Variants in PCDH11X observed in about 807,000 individuals in gnomAD.
PCDH11X encodes protocadherin-11 X-linked.
In PCDH11X, 18 loss-of-function variants were observed where a neutral mutation model predicts 53.3. The ratio of observed to expected loss-of-function variants is 0.34; its 90% CI spans 0.23 to 0.50. The LOEUF (loss-of-function observed/expected upper bound fraction) is 0.50. Ranked by LOEUF, PCDH11X falls within the 20% of genes least tolerant of loss-of-function variation. The pLI is 0.98. For missense variants in PCDH11X, 570 were observed against 1,032.4 expected, an observed-to-expected ratio of 0.55 and a Z score of 6.14; for synonymous variants, 279 against 393.3, an observed-to-expected ratio of 0.71 and a Z score of 3.44.
At chrX:92,274,032 A>G (rs1489156759) in intron 8 of PCDH11X, among the ~76,000 whole-genome samples, 1 of 107,115 alleles carries the variant, frequency 9.3e-6, no homozygotes, top group Non-Finnish European at 1.9e-5. Flanking sequence ...GTAGCTGAGA[A>G]TGGTGAATAG....
At chrX:92,521,334 A>G (rs763263895) in intron 10 of PCDH11X, among the ~76,000 whole-genome samples, 27 of 112,150 alleles carry the variant, frequency 2.4e-4, no homozygotes, top group South Asian at 3.7e-4. Context: ...ATCTGCTCGC[A>G]TGTCTCCATT....
At chrX:91,896,980 C>T (rs1486642239) in intron 6 of PCDH11X, among the ~76,000 whole-genome samples, 8 of 93,309 alleles carry the variant, frequency 8.6e-5, no homozygotes, top group African/African-American at 3.6e-4. Flanking sequence ...TATTTAAGCT[C>T]AGGCAGATAA....
chrX:92,221,580 T>TA (rs1314735519), intron 7 of PCDH11X, among the ~76,000 whole-genome samples: 1 of 111,805 alleles, frequency 8.9e-6, no homozygotes, highest in East Asian at 2.8e-4. Flanking sequence ...ATGCTGAAAA[T>TA]ACTTACTTTG....
At chrX:92,331,445 C>T (rs2069488335) in intron 8 of PCDH11X, among the ~76,000 whole-genome samples, 1 of 101,936 alleles carries the variant, frequency 9.8e-6, no homozygotes, top group African/African-American at 3.6e-5. Context: ...CTAGAATGTC[C>T]TGACTCTTGT....
intron 7 of PCDH11X, among the ~76,000 whole-genome samples, chrX:92,216,519 A>C (rs868648421): frequency 3.7e-5 from 4 of 107,941 alleles, no homozygotes; most frequent in African/African-American, 1.0e-4. Flanking sequence ...ATAAAAAAAA[A>C]CGAACAAAGC....
chrX:91,867,234 C>G (rs1269408291), intron 5 of PCDH11X, among the ~76,000 whole-genome samples: 2 of 111,628 alleles, frequency 1.8e-5, no homozygotes, highest in Non-Finnish European at 3.8e-5. Context: ...ACTAGTAGTA[C>G]AAAAATATCA....
chrX:92,269,390 G>A (rs1479829932), intron 8 of PCDH11X, among the ~76,000 whole-genome samples: 1 of 111,989 alleles, frequency 8.9e-6, no homozygotes, highest in Admixed American at 9.5e-5. Flanking sequence ...CTAAGTTTCA[G>A]TTGGGATCTA....
intron 9 of PCDH11X, among the ~76,000 whole-genome samples, chrX:92,450,995 T>A (rs748836630): frequency 9.0e-6 from 1 of 111,257 alleles, no homozygotes; most frequent in South Asian, 3.8e-4. Flanking sequence ...TCGAATGAGT[T>A]GGTTAAGTAG....
At chrX:92,497,361 G>C (rs1045487946) in intron 10 of PCDH11X, among the ~76,000 whole-genome samples, 1 of 110,707 alleles carries the variant, frequency 9.0e-6, no homozygotes, top group African/African-American at 3.3e-5. Flanking sequence ...GTCAATGAGA[G>C]ACTCTTTGTT....
intron 8 of PCDH11X, among the ~76,000 whole-genome samples, chrX:92,291,613 A>G (rs2068495341): frequency 9.8e-6 from 1 of 102,040 alleles, no homozygotes; most frequent in South Asian, 4.7e-4. Flanking sequence ...TTAATAATAT[A>G]TTAAAGATTA....
Position 91,976,396 on chromosome X carries a change from G to A in PCDH11X, c.3033+97123G>A, listed in dbSNP as rs185502167. Reference sequence around the variant, plus strand: ...TAAGAGACTTGGATTTCTAGCTCAGGATAATTGAATTTTTCATCCAAATTG... The same window carrying A: ...TAAGAGACTTGGATTTCTAGCTCAGAATAATTGAATTTTTCATCCAAATTG... On this transcript the variant is annotated intron_variant, in intron 6 of 10. Coordinates refer to ENST00000682573, the MANE Select transcript of PCDH11X (RefSeq NM_032968.5). Among the ~76,000 whole-genome samples, 33 of 112,215 alleles carry A rather than the reference G, an allele frequency of 2.9e-4. No individual in the cohort carries two copies. The East Asian group carries it at 9.3e-3, about 32-fold the overall frequency.
chrX:92,162,486 C>T (rs2065662090), intron 6 of PCDH11X, among the ~76,000 whole-genome samples: 2 of 111,631 alleles, frequency 1.8e-5, no homozygotes, highest in Admixed American at 1.9e-4. Context: ...GCCACCGCTC[C>T]TGGACATTGC....
At position 92,039,601 on chromosome X, in the gene PCDH11X, C is replaced by T. The variant is rs1440909885; in HGVS notation, c.3033+160328C>T. 1.1e-4 allele frequency among the ~76,000 whole-genome samples: 12 copies of T among 111,647 alleles called. No individual in the cohort carries two copies. In the Admixed American group the frequency reaches 1.1e-3, roughly 11 times the overall value. On this transcript the variant is annotated intron_variant, in intron 6 of 10. Transcript: ENST00000682573. ...AAATGCTGCCAGGCCTGGGACTCAC[C>T]CTTCATGGAAGTGGGCTCCCCTCTG...
intron 8 of PCDH11X, among the ~76,000 whole-genome samples, chrX:92,325,186 C>T (rs1377845673): frequency 2.7e-5 from 3 of 110,246 alleles, no homozygotes; most frequent in African/African-American, 9.9e-5. Context: ...ACTGAACAAT[C>T]GACATATTTG....
At chrX:91,806,503 T>A (rs1602872350) in intron 1 of PCDH11X, among the ~76,000 whole-genome samples, 1 of 113,435 alleles carries the variant, frequency 8.8e-6, no homozygotes, top group East Asian at 2.7e-4. Context: ...GAGTGTAAAT[T>A]ACAGTTACTT....
At chrX:92,359,050 C>T (rs1188048988) in intron 8 of PCDH11X, among the ~76,000 whole-genome samples, 1 of 109,653 alleles carries the variant, frequency 9.1e-6, no homozygotes, top group African/African-American at 3.3e-5. Flanking sequence ...GGCGGTTCCT[C>T]ATGCCTGGGG....
chrX:91,805,671 T>TTTA (rs199638454), intron 1 of PCDH11X, among the ~76,000 whole-genome samples: 30 of 105,874 alleles, frequency 2.8e-4, no homozygotes, highest in Admixed American at 1.3e-3. Flanking sequence ...TTTTTTTTTT[T>TTTA]AAATTAGCTC....
At chrX:92,244,973 G>A (rs937020053) in intron 7 of PCDH11X, among the ~76,000 whole-genome samples, 3 of 112,028 alleles carry the variant, frequency 2.7e-5, no homozygotes, top group African/African-American at 3.2e-5. Context: ...GCTCTGGTGC[G>A]AATAAACTCA....
intron 8 of PCDH11X, among the ~76,000 whole-genome samples, chrX:92,314,977 C>T (rs1034621158): frequency 2.7e-5 from 3 of 111,031 alleles, no homozygotes; most frequent in East Asian, 2.8e-4. Flanking sequence ...TAAATTTGAA[C>T]GCTTAACAAT....
Sources: gnomAD v4.1 joint callset for allele counts (sites outside exome capture counted in the v4.1 genomes callset) on GRCh38, gnomAD v4.1.1 for gene constraint, MANE v1.5 for transcripts, NCBI Gene and HGNC (gene_info 2026-07-23, HGNC 2026-07-21) for gene names.